Variants in ZDHHC14 observed in about 807,000 individuals in gnomAD.
The protein encoded by ZDHHC14 is palmitoyltransferase ZDHHC14.
A neutral mutation model predicts 47.7 loss-of-function variants in ZDHHC14; 16 were observed. The observed-to-expected ratio is 0.34, with a 90% CI of 0.23 to 0.51. ZDHHC14 has a LOEUF of 0.51. ZDHHC14 is among the 20% of genes least tolerant of loss of function. The pLI, the probability that ZDHHC14 is intolerant of heterozygous loss-of-function variation, is 0.97. For synonymous variants in ZDHHC14, 293 were observed against 278.9 expected, an observed-to-expected ratio of 1.05 and a Z score of -0.50; for missense variants, 515 against 662.5, an observed-to-expected ratio of 0.78 and a Z score of 2.44.
At chr6:157,538,652 T>C (rs557446457) in intron 1 of ZDHHC14, among the ~76,000 whole-genome samples, 2 of 152,054 alleles carry the variant, frequency 1.3e-5, no homozygotes, top group South Asian at 4.1e-4. Context: ...TGTCCACAAA[T>C]AGCCACATGT....
intron 1 of ZDHHC14, among the ~76,000 whole-genome samples, chr6:157,457,099 G>A (rs1217070368): frequency 9.9e-5 from 15 of 151,634 alleles, no homozygotes; most frequent in Admixed American, 4.6e-4. Flanking sequence ...GCTTGAACTC[G>A]GGAGGTGGAG....
Position 157,618,280 on chromosome 6 carries a change from C to T in ZDHHC14, c.566-10069C>T, listed in dbSNP as rs368617306. On this transcript the variant is annotated intron_variant, in intron 3 of 8. Transcript: ENST00000359775. ...GGAGAATGACCGAAGACCACCAACA[C>T]ACGAAGACCGTTTTTGAGGCTATAC... is the stretch of plus-strand genomic sequence containing the variant. Among the ~76,000 whole-genome samples, 32 of 152,138 alleles carry T rather than the reference C, an allele frequency of 2.1e-4. No homozygotes were observed. The East Asian group carries it at 6.2e-3, about 29-fold the overall frequency.
intron 1 of ZDHHC14, among the ~76,000 whole-genome samples, chr6:157,453,788 T>TTTTTTTTGTGTGTGTGTG (rs3220439): frequency 1.1e-4 from 17 of 148,098 alleles, no homozygotes; most frequent in African/African-American, 4.3e-4. Flanking sequence ...TTTTTGTGTT[T>TTTTTTTTGTGTGTGTGTG]TGTGTGTGTG....
At chr6:157,521,980 T>C (rs1254845275) in intron 1 of ZDHHC14, among the ~76,000 whole-genome samples, 1 of 151,992 alleles carries the variant, frequency 6.6e-6, no homozygotes, top group Non-Finnish European at 1.5e-5. Context: ...CGGTCTCTTA[T>C]CCAAATAAAC....
chr6:157,593,641 C>G (rs189717303), intron 3 of ZDHHC14, among the ~76,000 whole-genome samples: 1 of 152,224 alleles, frequency 6.6e-6, no homozygotes, highest in Non-Finnish European at 1.5e-5. Flanking sequence ...ACGAAGGCCT[C>G]CCCTCTCTGC....
chr6:157,558,324 A>G (rs1456515074), intron 2 of ZDHHC14, among the ~76,000 whole-genome samples: 1 of 152,132 alleles, frequency 6.6e-6, no homozygotes, highest in Non-Finnish European at 1.5e-5. Context: ...CTTTTGACAG[A>G]TGCCTGGTAT....
At chr6:157,625,160 C>T (rs749361322) in intron 3 of ZDHHC14, among the ~76,000 whole-genome samples, 3 of 152,094 alleles carry the variant, frequency 2.0e-5, no homozygotes, top group Non-Finnish European at 2.9e-5. Context: ...TTCCAACACA[C>T]GAACTTCGGG....
Position 157,588,571 on chromosome 6 carries a change from C to G in ZDHHC14, c.407-4417C>G, listed in dbSNP as rs140257540. Among the ~76,000 whole-genome samples the G allele has an allele frequency of 8.9e-3, 1,363 of 152,322 alleles. 19 individuals carry two copies. The highest frequency in any genetic ancestry group is 0.031 in the African/African-American group (1,298 of 41,572). On this transcript the variant is annotated intron_variant, in intron 2 of 8. Coordinates refer to ENST00000359775, the MANE Select transcript of ZDHHC14 (RefSeq NM_024630.3). ...GTACTGTCAGTGAGTGACAGCAGCC[C>G]TGCTTGGGGGCAGAATGGCACAGCT...
chr6:157,656,722 A>C (rs1176447577), intron 8 of ZDHHC14, among the ~76,000 whole-genome samples: 4 of 149,628 alleles, frequency 2.7e-5, no homozygotes, highest in African/African-American at 4.9e-5. Flanking sequence ...AAAAAAACAA[A>C]AAAAAAAAAA....
rs1485951423 is a variant in ZDHHC14, at chr6:157,675,845, G to A, written c.*2723G>A. 1.3e-5 allele frequency: 2 copies of A among 152,260 alleles called. No homozygotes were observed. The highest frequency in any genetic ancestry group is 2.4e-5 in the African/African-American group (1 of 41,466). The allele number at this position is 152,260 out of a possible 1,614,324, so 9.4% of individuals were successfully genotyped here. On this transcript the variant is annotated 3_prime_UTR_variant, in exon 9 of 9. Coordinates refer to ENST00000359775, the MANE Select transcript of ZDHHC14 (RefSeq NM_024630.3). ...TTCTAACTTCTTTCAGTGTGTTAGAGATTGATTACATGCTAGCTATAAAAA... is the reference window on the plus strand; with the variant it reads ...TTCTAACTTCTTTCAGTGTGTTAGAAATTGATTACATGCTAGCTATAAAAA...
intron 7 of ZDHHC14, among the ~76,000 whole-genome samples, chr6:157,649,780 T>G (rs586141): frequency 0.58 from 88,482 of 152,098 alleles, 26,328 homozygotes; most frequent in African/African-American, 0.69. Flanking sequence ...ATGGCCAGGT[T>G]TGGAGGAAGG....
chr6:157,460,079 G>T (rs1391226858), intron 1 of ZDHHC14, among the ~76,000 whole-genome samples: 1 of 132,432 alleles, frequency 7.6e-6, no homozygotes, highest in Admixed American at 7.7e-5. Flanking sequence ...AAAAAAAATA[G>T]CCAGGTCTAG....
intron 2 of ZDHHC14, among the ~76,000 whole-genome samples, chr6:157,576,416 G>A (rs1435643161): frequency 6.6e-6 from 1 of 152,138 alleles, no homozygotes; most frequent in East Asian, 1.9e-4. Context: ...TTTAATCATT[G>A]TTAATATTTT....
intron 2 of ZDHHC14, among the ~76,000 whole-genome samples, chr6:157,568,452 C>T (rs966901297): frequency 2.7e-5 from 3 of 112,764 alleles, no homozygotes; most frequent in Admixed American, 7.7e-5. Context: ...TTTTTTTCCT[C>T]TTAATATACT....
Position 157,677,258 on chromosome 6 carries a change from A to C in ZDHHC14, c.*4136A>C, listed in dbSNP as rs1290461865. On this transcript the variant is annotated 3_prime_UTR_variant, in exon 9 of 9. Coordinates refer to ENST00000359775, the MANE Select transcript of ZDHHC14 (RefSeq NM_024630.3). ...CCTCATTTAAAAAAAAAAAAAAAAA[A>C]AAACTGCCTCTCATTTGTTCCCTTA... 1 of 151,744 alleles carries C rather than the reference A, an allele frequency of 6.6e-6. No individual in the cohort carries two copies. The highest frequency in any genetic ancestry group is 2.4e-5 in the African/African-American group (1 of 41,336). 9.4% of individuals were successfully genotyped at this position (151,744 alleles called of 1,614,324 possible).
intron 1 of ZDHHC14, among the ~76,000 whole-genome samples, chr6:157,450,663 C>G (rs886249386): frequency 6.6e-6 from 1 of 152,098 alleles, no homozygotes; most frequent in African/African-American, 2.4e-5. Flanking sequence ...AAAACCTAAC[C>G]AGTTTGTGAA....
Position 157,586,211 on chromosome 6 carries a change from G to A in ZDHHC14, c.407-6777G>A, listed in dbSNP as rs974531300. ...AGCCCAGGGCTGGCCCCCAGTAGAAGCACAATACAGATCTAGTGGCTGGAT... is the reference window on the plus strand; with the variant it reads ...AGCCCAGGGCTGGCCCCCAGTAGAAACACAATACAGATCTAGTGGCTGGAT... On this transcript the variant is annotated intron_variant, in intron 2 of 8. Transcript: ENST00000359775. This position sits in a 1 kb window ranked among gnomAD's most constrained non-coding sequence, Gnocchi z 4.6. Among the ~76,000 whole-genome samples, 16 of 152,148 alleles carry A rather than the reference G, an allele frequency of 1.1e-4. No homozygotes were observed. Among genetic ancestry groups the A allele is most frequent in the Non-Finnish European group, 1.2e-4 (8 of 68,030 alleles).
chr6:157,593,046 C>T lies in ZDHHC14; in HGVS notation c.465C>T (p.Val155=). The change falls in exon 3 of 9, where the codon GTC becomes GTT. Residue 155 remains valine, a synonymous_variant. Coordinates refer to ENST00000359775, the MANE Select transcript of ZDHHC14 (RefSeq NM_024630.3). ...GCCCGCCTCCCAGAACCAAAGAAGT[C>T]ATCATCAATGGCCAGACCGTGAAAC... The part of the protein sequence containing the change: ...GYRPPPRTKE[V]IINGQTVKLK... 1 of 1,614,198 alleles carries T rather than the reference C, an allele frequency of 6.2e-7. No individual in the cohort carries two copies. Among genetic ancestry groups the T allele is most frequent in the Non-Finnish European group, 8.5e-7 (1 of 1,180,026 alleles).
At chr6:157,539,551 G>A (rs1156541282) in intron 1 of ZDHHC14, among the ~76,000 whole-genome samples, 3 of 152,164 alleles carry the variant, frequency 2.0e-5, no homozygotes, top group East Asian at 3.8e-4. Context: ...GAAGCTGGCC[G>A]TTTCTATTTA....
Sources: allele counts gnomAD v4.1 joint callset (sites outside exome capture counted in the v4.1 genomes callset), GRCh38; gene constraint gnomAD v4.1.1; non-coding constraint Gnocchi (gnomAD v3.1); transcripts MANE v1.5; gene names NCBI Gene and HGNC (gene_info 2026-07-23, HGNC 2026-07-21).